Variants in ESRRB observed in about 807,000 individuals in gnomAD.
The protein encoded by ESRRB is steroid hormone receptor ERR2.
ESRRB carries 16 observed loss-of-function variants against 46.0 expected under a neutral mutation model. That is an observed-to-expected ratio of 0.35 (90% CI 0.24 to 0.53). ESRRB has a LOEUF of 0.53. Ranked by LOEUF, ESRRB falls within the 20% of genes least tolerant of loss-of-function variation. ESRRB has a pLI of 0.93. For missense variants in ESRRB, 488 were observed against 607.4 expected, an observed-to-expected ratio of 0.80 and a Z score of 2.07; for synonymous variants, 246 against 259.6, an observed-to-expected ratio of 0.95 and a Z score of 0.50.
At chr14:76,461,633 C>T (rs1224010876) in intron 2 of ESRRB, among the ~76,000 whole-genome samples, 6 of 152,120 alleles carry the variant, frequency 3.9e-5, no homozygotes, top group East Asian at 3.9e-4. Context: ...CTCAGCCTCC[C>T]GAGTAGCTGG....
intron 1 of ESRRB, among the ~76,000 whole-genome samples, chr14:76,431,785 G>A (rs1435767767): frequency 4.6e-5 from 7 of 152,122 alleles, no homozygotes; most frequent in Non-Finnish European, 5.9e-5. Flanking sequence ...AATAGTTATC[G>A]ATCCAGTGGG....
intron 2 of ESRRB, among the ~76,000 whole-genome samples, chr14:76,450,142 A>AG (rs11318009): frequency 0.013 from 1,951 of 150,306 alleles, 15 homozygotes; most frequent in African/African-American, 0.023. Context: ...TGACTGAGAA[A>AG]GGGGGGGGGT....
intron 1 of ESRRB, among the ~76,000 whole-genome samples, chr14:76,315,584 G>A (rs1041314511): frequency 1.3e-5 from 2 of 152,182 alleles, no homozygotes; most frequent in African/African-American, 2.4e-5. Context: ...AAGATGAAAC[G>A]CACGTGAAGT....
At position 76,501,123 on chromosome 14, in the gene ESRRB, C is replaced by T. The variant is rs1890643757; in HGVS notation, c.*2665C>T. ...CCAGTGGAACAGATCTCAAGTTTAC[C>T]CTAAACCTGCCATTTCTGGAAAATC... On this transcript the variant is annotated 3_prime_UTR_variant, in exon 7 of 7. Coordinates refer to ENST00000644823, the MANE Select transcript of ESRRB (RefSeq NM_001379180.1). 4.6e-6 allele frequency: 1 copy of T among 219,332 alleles called. No individual in the cohort carries two copies. The highest frequency in any genetic ancestry group is 9.1e-6 in the Non-Finnish European group (1 of 109,978). The allele number at this position is 219,332 out of a possible 1,614,324, so 13.6% of individuals were successfully genotyped here.
intron 2 of ESRRB, 28 bp from the exon 3 acceptor site, chr14:76,462,517 C>T (rs375819977): frequency 1.0e-5 from 16 of 1,593,704 alleles, no homozygotes; most frequent in African/African-American, 5.4e-5. Flanking sequence ...GGCCAGCACC[C>T]GGCAACCCTC....
chr14:76,322,814 C>T (rs1232929963), intron 1 of ESRRB, among the ~76,000 whole-genome samples: 1 of 152,204 alleles, frequency 6.6e-6, no homozygotes. Context: ...TCTCCTGTGA[C>T]CTTTATCTCC....
intron 1 of ESRRB, among the ~76,000 whole-genome samples, chr14:76,417,737 C>A (rs1886766118): frequency 6.6e-6 from 1 of 152,062 alleles, no homozygotes; most frequent in South Asian, 2.1e-4. Context: ...GAGCTGAAGG[C>A]ATGGCAGGCA....
At chr14:76,350,120 G>T (rs544489942) in intron 1 of ESRRB, among the ~76,000 whole-genome samples, 1 of 152,188 alleles carries the variant, frequency 6.6e-6, no homozygotes, top group South Asian at 2.1e-4. Context: ...TTCCCATCCT[G>T]GGGGAGGTTC....
chr14:76,416,641 G>A (rs1425267604), intron 1 of ESRRB, among the ~76,000 whole-genome samples: 1 of 151,742 alleles, frequency 6.6e-6, no homozygotes. Flanking sequence ...GGCTAATTTT[G>A]TATTTTTAGT....
intron 1 of ESRRB, among the ~76,000 whole-genome samples, chr14:76,311,298 G>A (rs556286839): frequency 1.3e-5 from 2 of 152,148 alleles, no homozygotes; most frequent in South Asian, 4.2e-4. Context: ...GTCGCCCAGC[G>A]TGAAAACTTT....
chr14:76,388,222 A>G (rs1375711897), intron 1 of ESRRB, among the ~76,000 whole-genome samples: 1 of 130,564 alleles, frequency 7.7e-6, no homozygotes, highest in Non-Finnish European at 1.5e-5. Flanking sequence ...TCTGTGGCCC[A>G]GGCTGGAGTG....
At chr14:76,479,239 G>GTACA (rs1889707419) in intron 3 of ESRRB, among the ~76,000 whole-genome samples, 2 of 94,048 alleles carry the variant, frequency 2.1e-5, no homozygotes, top group Admixed American at 1.3e-4. Flanking sequence ...GTGTGTACGT[G>GTACA]TGCATGCGTG....
intron 1 of ESRRB, among the ~76,000 whole-genome samples, chr14:76,366,224 ACTC>A (rs1884520676): frequency 1.3e-5 from 2 of 152,144 alleles, no homozygotes; most frequent in South Asian, 4.1e-4. Flanking sequence ...GGAAAGAGAA[ACTC>A]CTGTAAAAGA....
chr14:76,408,770 A>G (rs551486735), intron 1 of ESRRB, among the ~76,000 whole-genome samples: 1 of 152,220 alleles, frequency 6.6e-6, no homozygotes, highest in Non-Finnish European at 1.5e-5. Flanking sequence ...TGCATGAAGG[A>G]AAAGGAAAAG....
chr14:76,375,862 C>T (rs1332104500), upstream of ESRRB, among the ~76,000 whole-genome samples: 5 of 148,570 alleles, frequency 3.4e-5, no homozygotes, highest in Non-Finnish European at 7.4e-5. Context: ...CTCCCCCCAC[C>T]CCAGACCCAC....
chr14:76,461,321 G>C (rs1331442601), intron 2 of ESRRB, among the ~76,000 whole-genome samples: 3 of 152,086 alleles, frequency 2.0e-5, no homozygotes, highest in Non-Finnish European at 4.4e-5. Context: ...GGGAGGGGAG[G>C]GACTCTGTAG....
intron 1 of ESRRB, among the ~76,000 whole-genome samples, chr14:76,434,310 C>T (rs1330806836): frequency 6.6e-6 from 1 of 152,172 alleles, no homozygotes; most frequent in Admixed American, 6.5e-5. Context: ...GTGCCTCTCT[C>T]CCCCTCTGCT....
intron 1 of ESRRB, among the ~76,000 whole-genome samples, chr14:76,430,102 C>T (rs1353344344): frequency 6.6e-6 from 1 of 151,956 alleles, no homozygotes; most frequent in Non-Finnish European, 1.5e-5. Flanking sequence ...GACAGTAATT[C>T]GCATCTAGCC....
chr14:76,475,298 GT>G (rs1889535455), intron 3 of ESRRB, among the ~76,000 whole-genome samples: 1 of 150,852 alleles, frequency 6.6e-6, no homozygotes, highest in Non-Finnish European at 1.5e-5. Flanking sequence ...GAGCCCAGTA[GT>G]TTGAGGTTGC....
Sources: allele counts gnomAD v4.1 joint callset (sites outside exome capture counted in the v4.1 genomes callset), GRCh38; gene constraint gnomAD v4.1.1; transcripts MANE v1.5; gene names NCBI Gene and HGNC (gene_info 2026-07-23, HGNC 2026-07-21).